Variants in ERBB4 observed in about 807,000 individuals in gnomAD.
The protein encoded by ERBB4 is receptor tyrosine-protein kinase erbB-4.
Under a neutral mutation model 158.0 loss-of-function variants are expected in ERBB4, and 42 were observed. The ratio of observed to expected loss-of-function variants is 0.27; its 90% CI spans 0.21 to 0.34. The LOEUF is 0.34. ERBB4 is among the 10% of genes least tolerant of loss of function. The pLI is 1.00. For missense variants in ERBB4, 1,333 were observed against 1,624.1 expected, an observed-to-expected ratio of 0.82 and a Z score of 3.08; for synonymous variants, 583 against 558.7, an observed-to-expected ratio of 1.04 and a Z score of -0.61.
intron 20 of ERBB4, among the ~76,000 whole-genome samples, chr2:211,515,938 G>A (rs187802825): frequency 0.022 from 1,941 of 88,402 alleles, 47 homozygotes; most frequent in East Asian, 0.17. Context: ...TTTTTGAGGC[G>A]GAGTCTTGCT....
At chr2:211,396,977 C>T (rs551593869) in intron 25 of ERBB4, among the ~76,000 whole-genome samples, 1 of 152,296 alleles carries the variant, frequency 6.6e-6, no homozygotes, top group African/African-American at 2.4e-5. Context: ...GAATAATGTA[C>T]TGTGAATACT....
chr2:212,451,944 A>G (rs2106025522), intron 1 of ERBB4, among the ~76,000 whole-genome samples: 1 of 152,170 alleles, frequency 6.6e-6, no homozygotes, highest in Non-Finnish European at 1.5e-5. Flanking sequence ...ATGTAGCACA[A>G]TAGAACAACA....
chr2:212,428,018 T>C (rs894727040), intron 1 of ERBB4, among the ~76,000 whole-genome samples: 2 of 152,158 alleles, frequency 1.3e-5, no homozygotes, highest in African/African-American at 2.4e-5. Flanking sequence ...TGTCTTTATA[T>C]TGAAGGTGTA....
rs192282472 is a variant in ERBB4, at chr2:212,406,084, G to A, written c.82+132365C>T. On this transcript the variant is annotated intron_variant, in intron 1 of 27. Coordinates refer to ENST00000342788, the MANE Select transcript of ERBB4 (RefSeq NM_005235.3). The stretch of plus-strand genomic sequence containing the variant: ...TACATTTCACAACATGAAAAATAAT[G>A]AAGTGCTAAGTAATACATTTGATCA... Among the ~76,000 whole-genome samples the A allele has an allele frequency of 8.2e-4, 125 of 152,172 alleles. 1 individual carries two copies. The highest frequency in any genetic ancestry group is 3.8e-4 in the Non-Finnish European group (26 of 67,986).
intron 4 of ERBB4, among the ~76,000 whole-genome samples, chr2:211,769,049 G>T (rs898435757): frequency 6.6e-6 from 1 of 152,130 alleles, no homozygotes; most frequent in Non-Finnish European, 1.5e-5. Context: ...CAGCACCCTA[G>T]TCATATCTTG....
At chr2:211,611,815 A>T (rs2069211074) in intron 19 of ERBB4, among the ~76,000 whole-genome samples, 1 of 152,126 alleles carries the variant, frequency 6.6e-6, no homozygotes, top group African/African-American at 2.4e-5. Context: ...TAAGAAGCTA[A>T]AAATGAAACC....
At chr2:212,089,553 C>G (rs965967070) in intron 2 of ERBB4, among the ~76,000 whole-genome samples, 1 of 152,150 alleles carries the variant, frequency 6.6e-6, no homozygotes, top group African/African-American at 2.4e-5. Flanking sequence ...TAGTGAGTGA[C>G]TGCTCATGAG....
chr2:212,109,408 C>A (rs2079334847), intron 2 of ERBB4, among the ~76,000 whole-genome samples: 1 of 152,142 alleles, frequency 6.6e-6, no homozygotes, highest in Non-Finnish European at 1.5e-5. Flanking sequence ...CTATGAGAGC[C>A]CTTCAAATAT....
chr2:212,127,373 A>G (rs1467649878), intron 1 of ERBB4, among the ~76,000 whole-genome samples: 1 of 152,180 alleles, frequency 6.6e-6, no homozygotes, highest in Non-Finnish European at 1.5e-5. Flanking sequence ...TGGGCGGATC[A>G]CGAGGTCAGG....
chr2:211,807,833 T>C lies in ERBB4; in HGVS notation c.422-19674A>G, dbSNP rs533604586. 8.2e-4 allele frequency among the ~76,000 whole-genome samples: 125 copies of C among 152,314 alleles called. 1 individual carries two copies. The South Asian group carries it at 0.015, about 18-fold the overall frequency. Reference sequence around the variant, plus strand: ...GATCTCCATTGTAACTGGTGTGAGATGGTATCTCATTGTGGTTTTGATTTG... The same window carrying C: ...GATCTCCATTGTAACTGGTGTGAGACGGTATCTCATTGTGGTTTTGATTTG... On this transcript the variant is annotated intron_variant, in intron 3 of 27. Coordinates refer to ENST00000342788, the MANE Select transcript of ERBB4 (RefSeq NM_005235.3).
chr2:212,028,221 A>C (rs2076819121), intron 2 of ERBB4, among the ~76,000 whole-genome samples: 1 of 151,826 alleles, frequency 6.6e-6, no homozygotes, highest in African/African-American at 2.4e-5. Flanking sequence ...AGGCCTGACA[A>C]GTTTGGTTCC....
At chr2:212,266,795 C>T (rs1304050410) in intron 1 of ERBB4, among the ~76,000 whole-genome samples, 3 of 151,724 alleles carry the variant, frequency 2.0e-5, no homozygotes, top group Non-Finnish European at 2.9e-5. Flanking sequence ...TAAATTAAAG[C>T]TGATTATAAA....
chr2:212,334,672 C>T (rs1302656045), intron 1 of ERBB4, among the ~76,000 whole-genome samples: 1 of 151,930 alleles, frequency 6.6e-6, no homozygotes, highest in East Asian at 1.9e-4. Flanking sequence ...ATTCAGTGTA[C>T]TGCATATGGC....
intron 1 of ERBB4, among the ~76,000 whole-genome samples, chr2:212,414,183 T>G (rs1371926634): frequency 2.0e-5 from 3 of 152,216 alleles, no homozygotes; most frequent in Non-Finnish European, 2.9e-5. Flanking sequence ...ATTAAAAATC[T>G]TTTAAATTTC....
chr2:212,100,467 C>A (rs530874091), intron 2 of ERBB4, among the ~76,000 whole-genome samples: 1 of 152,226 alleles, frequency 6.6e-6, no homozygotes, highest in African/African-American at 2.4e-5. Context: ...TTAATTCTGT[C>A]ATTCTCATTG....
chr2:211,448,467 TACACACACAC>T (rs3067955), intron 20 of ERBB4, among the ~76,000 whole-genome samples: 2 of 149,538 alleles, frequency 1.3e-5, no homozygotes, highest in Non-Finnish European at 3.0e-5. Flanking sequence ...CCCAAACAGA[TACACACACAC>T]ACACACACAC....
At position 211,604,057 on chromosome 2, in the gene ERBB4, GT is replaced by G. The variant is rs1374591513; in HGVS notation, c.2301+15119del. On this transcript the variant is annotated intron_variant, in intron 19 of 27. Transcript: ENST00000342788. ...TATTCATTAGTTTATATCATTTTAT[GT>G]TTTTTCCTTGACACACTGCAGATTG... 3.3e-5 allele frequency among the ~76,000 whole-genome samples: 5 copies of G among 152,286 alleles called. No individual in the cohort carries two copies. In the East Asian group the frequency reaches 9.7e-4, roughly 29 times the overall value.
At position 211,960,205 on chromosome 2, in the gene ERBB4, T is replaced by C. The variant is rs188647383; in HGVS notation, c.235-12589A>G. 1.7e-3 allele frequency among the ~76,000 whole-genome samples: 254 copies of C among 152,190 alleles called. 1 individual carries two copies. Among genetic ancestry groups the C allele is most frequent in the Middle Eastern group, 3.4e-3 (1 of 294 alleles). On this transcript the variant is annotated intron_variant, in intron 2 of 27. Coordinates refer to ENST00000342788, the MANE Select transcript of ERBB4 (RefSeq NM_005235.3). The stretch of plus-strand genomic sequence containing the variant: ...GGACAAGAAATAGATAAGATGAGCC[T>C]GAAACATCTTATCATAGCAGATAGT...
intron 1 of ERBB4, among the ~76,000 whole-genome samples, chr2:212,359,816 C>T (rs13014726): frequency 0.17 from 25,368 of 151,382 alleles, 2,412 homozygotes; most frequent in South Asian, 0.25. Flanking sequence ...TAATTACATT[C>T]GCACATTTAC....
Sources: allele counts gnomAD v4.1 joint callset (sites outside exome capture counted in the v4.1 genomes callset), GRCh38; gene constraint gnomAD v4.1.1; transcripts MANE v1.5; gene names NCBI Gene and HGNC (gene_info 2026-07-23, HGNC 2026-07-21).